FBXO25: variants seen among roughly 807,000 people sequenced by gnomAD.
FBXO25 encodes the protein F-box protein 25.
Under a neutral mutation model 51.9 loss-of-function variants are expected in FBXO25, and 45 were observed. That is an observed-to-expected ratio of 0.87 (90% CI 0.68 to 1.11). The LOEUF is 1.11. FBXO25 is among the 50% of genes most tolerant of loss of function. The probability of loss-of-function intolerance (pLI) is 0.00; values close to 1 mark genes in which losing one functional copy is unlikely to be tolerated. For missense variants in FBXO25, 507 were observed against 428.5 expected (o/e 1.18, Z -1.62); for synonymous variants, 199 against 151.0 (o/e 1.32, Z -2.33).
intron 5 of FBXO25, among the ~76,000 whole-genome samples, chr8:448,373 C>T (rs542762668): frequency 2.0e-4 from 31 of 152,306 alleles, no homozygotes; most frequent in African/African-American, 7.0e-4. Context: ...ACAAACATGT[C>T]GTCTCTTACT....
At chr8:409,906 A>C (rs1796387573) in intron 1 of FBXO25, among the ~76,000 whole-genome samples, 1 of 152,192 alleles carries the variant, frequency 6.6e-6, no homozygotes, top group South Asian at 2.1e-4. Flanking sequence ...CCTGGCTTCT[A>C]GTCGCTTATG....
chr8:417,162 G>A lies in FBXO25; in HGVS notation c.134+3949G>A, dbSNP rs866445542. The stretch of plus-strand genomic sequence containing the variant: ...GGGGCCAGTAGGAGACAAGATCCCA[G>A]CCTGACTGGGTCCCAGCTGTGAAGT... On this transcript the variant is annotated intron_variant, in intron 2 of 9. Coordinates refer to ENST00000350302, the MANE Select transcript of FBXO25 (RefSeq NM_183420.2). Among the ~76,000 whole-genome samples, 64 of 152,332 alleles carry A rather than the reference G, an allele frequency of 4.2e-4. 1 individual carries two copies. Among genetic ancestry groups the A allele is most frequent in the South Asian group, 1.0e-3 (5 of 4,826 alleles).
chr8:468,344 A>G (rs1175727816), intron 9 of FBXO25: 1 of 874,372 alleles, frequency 1.1e-6, no homozygotes, highest in Admixed American at 6.2e-5. Flanking sequence ...GGAGGACAGG[A>G]CAAAGGAATG....
intron 1 of FBXO25, among the ~76,000 whole-genome samples, chr8:411,620 A>G (rs1383435959): frequency 6.6e-6 from 1 of 152,188 alleles, no homozygotes; most frequent in Non-Finnish European, 1.5e-5. Flanking sequence ...GGCATTGTTC[A>G]AGGTAATGGA....
At chr8:448,163 A>G (rs1257018212) in intron 5 of FBXO25, among the ~76,000 whole-genome samples, 2 of 152,220 alleles carry the variant, frequency 1.3e-5, no homozygotes, top group African/African-American at 4.8e-5. Flanking sequence ...TCAAACAGGA[A>G]AACAAAACAA....
intron 5 of FBXO25, among the ~76,000 whole-genome samples, chr8:437,231 C>G (rs1224101032): frequency 6.6e-6 from 1 of 152,148 alleles, no homozygotes; most frequent in African/African-American, 2.4e-5. Context: ...AAATGCATAA[C>G]TATAAAAATT....
At chr8:457,306 A>C (rs1799505713) in intron 7 of FBXO25, among the ~76,000 whole-genome samples, 1 of 152,192 alleles carries the variant, frequency 6.6e-6, no homozygotes, top group South Asian at 2.1e-4. Flanking sequence ...GAAAAGTCTG[A>C]AACAGTTTGA....
At chr8:430,377 C>G (rs1797753562) in intron 2 of FBXO25, among the ~76,000 whole-genome samples, 2 of 152,014 alleles carry the variant, frequency 1.3e-5, no homozygotes, top group Non-Finnish European at 1.5e-5. Flanking sequence ...TGATGATTTA[C>G]AACTGTTGGC....
At position 475,802 on chromosome 8, in the gene FBXO25, C is replaced by G. The variant is rs527328398; in HGVS notation, c.*6998C>G. The G allele has an allele frequency of 2.6e-5, 4 of 152,126 alleles. No individual in the cohort carries two copies. The highest frequency in any genetic ancestry group is 9.6e-5 in the African/African-American group (4 of 41,516). The allele number at this position is 152,126 out of a possible 1,614,324, so 9.4% of individuals were successfully genotyped here. On this transcript the variant is annotated 3_prime_UTR_variant, in exon 10 of 10. Transcript: ENST00000350302. ...ATTTTTTTTTGTATATGTATGGACA[C>G]TAGGATTTTCTACATATAAGATCAT...
intron 8 of FBXO25, among the ~76,000 whole-genome samples, chr8:461,439 A>C (rs1204560182): frequency 6.6e-6 from 1 of 152,220 alleles, no homozygotes; most frequent in East Asian, 1.9e-4. Context: ...GCAAGAGAGC[A>C]TGTGCAGGGG....
intron 7 of FBXO25, among the ~76,000 whole-genome samples, chr8:453,506 A>C (rs1440460064): frequency 6.6e-6 from 1 of 152,060 alleles, no homozygotes; most frequent in Non-Finnish European, 1.5e-5. Flanking sequence ...AGAGCACTTT[A>C]CCAGCTCAGT....
At chr8:451,066 A>G (rs769519964) in intron 6 of FBXO25, 2 of 474,056 alleles carry the variant, frequency 4.2e-6, no homozygotes, top group Non-Finnish European at 7.3e-6. Context: ...TTCACTTTGC[A>G]TAATGTCTTC....
Position 431,526 on chromosome 8 carries a change from A to C in FBXO25, c.238+82A>C, listed in dbSNP as rs532411037. 9 of 688,422 alleles carry C rather than the reference A, an allele frequency of 1.3e-5. 1 individual carries two copies. The South Asian group carries it at 2.0e-4, about 15-fold the overall frequency. The allele number at this position is 688,422 out of a possible 1,614,324, so 42.6% of individuals were successfully genotyped here. Reference sequence around the variant, plus strand: ...TACTCTGACAATGCTATCTTATGAAATAAAAGGTGATACAAATATGTAAAT... The same window carrying C: ...TACTCTGACAATGCTATCTTATGAACTAAAAGGTGATACAAATATGTAAAT... On this transcript the variant is annotated intron_variant, in intron 3 of 9. Transcript: ENST00000350302.
intron 2 of FBXO25, among the ~76,000 whole-genome samples, chr8:426,142 T>G (rs1797461797): frequency 6.6e-6 from 1 of 152,164 alleles, no homozygotes; most frequent in South Asian, 2.1e-4. Context: ...CACAGATAAA[T>G]AAAGACCACC....
chr8:474,863 C>G lies in FBXO25; in HGVS notation c.*6059C>G. The G allele has an allele frequency of 2.2e-6, 1 of 455,650 alleles. No individual in the cohort carries two copies. The highest frequency in any genetic ancestry group is 1.6e-5 in the South Asian group (1 of 64,478). The allele number at this position is 455,650 out of a possible 1,614,324, so 28.2% of individuals were successfully genotyped here. ...TTCTTTTAGTTACCTGTGTGTGCCT[C>G]TGGTGTCATATCTAAGAAATCACTG... On this transcript the variant is annotated 3_prime_UTR_variant, in exon 10 of 10. Transcript: ENST00000350302.
rs919187296 is a variant in FBXO25, at chr8:468,091, C to T, written c.988-624C>T. On this transcript the variant is annotated intron_variant, in intron 9 of 9. Transcript: ENST00000350302. ...CAGAGCCTCTGGTCCCGTTTACCTG[C>T]GTTCCTCCTAAGAGTCTGCCAGTCT... is the stretch of plus-strand genomic sequence containing the variant. 1.9e-5 allele frequency: 21 copies of T among 1,095,610 alleles called. No homozygotes were observed. The African/African-American group carries it at 2.8e-4, about 15-fold the overall frequency. 67.9% of individuals were successfully genotyped at this position (1,095,610 alleles called of 1,614,324 possible).
intron 2 of FBXO25, among the ~76,000 whole-genome samples, chr8:419,476 A>G (rs577802454): frequency 4.6e-5 from 7 of 152,362 alleles, no homozygotes; most frequent in South Asian, 2.1e-4. Flanking sequence ...GTGGAACACA[A>G]CAGAGGACCC....
chr8:422,489 G>A (rs1351798483), intron 2 of FBXO25, among the ~76,000 whole-genome samples: 1 of 152,010 alleles, frequency 6.6e-6, no homozygotes, highest in African/African-American at 2.4e-5. Context: ...AGCAGCAGAC[G>A]GGCTCTGGTG....
intron 7 of FBXO25, among the ~76,000 whole-genome samples, chr8:457,990 C>T (rs1381036522): frequency 6.6e-6 from 1 of 152,200 alleles, no homozygotes; most frequent in Non-Finnish European, 1.5e-5. Context: ...GTCATGTTGC[C>T]CTCATGGTGC....
Sources: gnomAD v4.1 joint callset for allele counts (sites outside exome capture counted in the v4.1 genomes callset) on GRCh38, gnomAD v4.1.1 for gene constraint, MANE v1.5 for transcripts, NCBI Gene and HGNC (gene_info 2026-07-23, HGNC 2026-07-21) for gene names.